IL1RAPL1: variants seen among roughly 807,000 people sequenced by gnomAD.
IL1RAPL1 encodes interleukin 1 receptor accessory protein like 1, also known as interleukin-1 receptor accessory protein-like 1.
In IL1RAPL1, 3 loss-of-function variants were observed where a neutral mutation model predicts 48.4. That is an observed-to-expected ratio of 0.06 (90% CI 0.03 to 0.16). The LOEUF (loss-of-function observed/expected upper bound fraction) is 0.16, where lower values mean the gene tolerates loss of function less well. Among genes scored for constraint, IL1RAPL1 ranks in the 10% least tolerant of loss-of-function variants. IL1RAPL1 has a pLI of 1.00. For synonymous variants in IL1RAPL1, 185 were observed against 187.7 expected (o/e 0.99, Z 0.12); for missense variants, 349 against 530.6 (o/e 0.66, Z 3.36).
intron 1 of IL1RAPL1, among the ~76,000 whole-genome samples, chrX:28,709,841 T>C (rs1021371130): frequency 9.0e-6 from 1 of 111,537 alleles, no homozygotes; most frequent in African/African-American, 3.3e-5. Flanking sequence ...AAAAAGTACA[T>C]GGCTTCTTAT....
chrX:29,149,252 T>A (rs920763337), intron 2 of IL1RAPL1, among the ~76,000 whole-genome samples: 5 of 110,809 alleles, frequency 4.5e-5, no homozygotes, highest in Non-Finnish European at 9.4e-5. Context: ...ATATTATTTA[T>A]CTAGTCTGCA....
intron 3 of IL1RAPL1, among the ~76,000 whole-genome samples, chrX:29,297,811 C>A (rs1383818506): frequency 9.0e-6 from 1 of 111,711 alleles, no homozygotes; most frequent in Non-Finnish European, 1.9e-5. Flanking sequence ...GGTAGATCTT[C>A]CTTTATTTAC....
chrX:28,852,930 A>G (rs992887880), intron 2 of IL1RAPL1, among the ~76,000 whole-genome samples: 10 of 110,483 alleles, frequency 9.1e-5, no homozygotes, highest in African/African-American at 2.6e-4. Context: ...AGCACAATCC[A>G]TCTAGTACAC....
At chrX:28,901,734 CTTTAA>C (rs1402287231) in intron 2 of IL1RAPL1, among the ~76,000 whole-genome samples, 1 of 111,782 alleles carries the variant, frequency 8.9e-6, no homozygotes, top group Non-Finnish European at 1.9e-5. Flanking sequence ...TCACATAAAA[CTTTAA>C]TTTGTTTTCA....
chrX:28,892,182 T>C (rs1922788937), intron 2 of IL1RAPL1, among the ~76,000 whole-genome samples: 2 of 110,615 alleles, frequency 1.8e-5, no homozygotes, highest in South Asian at 7.7e-4. Flanking sequence ...AGCTTTTTAA[T>C]CACCTGGGTG....
intron 2 of IL1RAPL1, among the ~76,000 whole-genome samples, chrX:29,040,425 G>A (rs1392138601): frequency 8.9e-6 from 1 of 111,829 alleles, no homozygotes; most frequent in African/African-American, 3.2e-5. Context: ...AGTAGATGTT[G>A]TTTCAGTAGG....
At chrX:29,294,337 G>A (rs1337575498) in intron 3 of IL1RAPL1, among the ~76,000 whole-genome samples, 3 of 109,089 alleles carry the variant, frequency 2.8e-5, no homozygotes, top group African/African-American at 1.0e-4. Context: ...GACCATCCTG[G>A]CTAACACGGT....
intron 2 of IL1RAPL1, among the ~76,000 whole-genome samples, chrX:28,907,726 G>C (rs930608577): frequency 6.2e-5 from 7 of 112,186 alleles, no homozygotes; most frequent in Non-Finnish European, 1.3e-4. Flanking sequence ...ATGTCTATTA[G>C]GGTTTGGTAC....
At chrX:28,688,537 T>C (rs1935140436) in intron 1 of IL1RAPL1, among the ~76,000 whole-genome samples, 1 of 111,800 alleles carries the variant, frequency 8.9e-6, no homozygotes, top group Non-Finnish European at 1.9e-5. Flanking sequence ...TAACTAGACA[T>C]TACCACTTAC....
intron 5 of IL1RAPL1, among the ~76,000 whole-genome samples, chrX:29,443,795 G>A (rs2147721111): frequency 9.0e-6 from 1 of 111,689 alleles, no homozygotes; most frequent in South Asian, 3.7e-4. Context: ...AAGTATCATG[G>A]CTGAGCTTCT....
chrX:29,904,156 TGGA>T (rs1396245888), intron 6 of IL1RAPL1, among the ~76,000 whole-genome samples: 2 of 110,929 alleles, frequency 1.8e-5, no homozygotes, highest in Non-Finnish European at 3.8e-5. Flanking sequence ...AGATGAGAGG[TGGA>T]GGAGTTTTTT....
In IL1RAPL1 at chrX:29,581,739, C is replaced by T. The variant is rs1245661082; in HGVS notation, c.704-86691C>T. ...ATCATTAAGAATAGGAAGCATATCTCTTGCTCCTTCTGCACCCTCTCACAG... is the reference window on the plus strand; with the variant it reads ...ATCATTAAGAATAGGAAGCATATCTTTTGCTCCTTCTGCACCCTCTCACAG... On this transcript the variant is annotated intron_variant, in intron 5 of 10. Transcript: ENST00000378993. Among the ~76,000 whole-genome samples, 10 of 110,410 alleles carry T rather than the reference C, an allele frequency of 9.1e-5. No homozygotes were observed. The East Asian group carries it at 2.8e-3, about 31-fold the overall frequency.
At chrX:29,790,904 A>G (rs762929737) in intron 6 of IL1RAPL1, among the ~76,000 whole-genome samples, 5 of 112,044 alleles carry the variant, frequency 4.5e-5, no homozygotes, top group African/African-American at 1.6e-4. Context: ...TGGCCGCCTA[A>G]GGCCAGTATA....
intron 5 of IL1RAPL1, among the ~76,000 whole-genome samples, chrX:29,471,131 A>G (rs1246328609): frequency 9.0e-6 from 1 of 110,958 alleles, no homozygotes; most frequent in Non-Finnish European, 1.9e-5. Flanking sequence ...AAATATACAA[A>G]TCACAGGAGC....
chrX:29,288,782 G>A (rs1409140615), intron 3 of IL1RAPL1, among the ~76,000 whole-genome samples: 1 of 112,063 alleles, frequency 8.9e-6, no homozygotes, highest in Non-Finnish European at 1.9e-5. Context: ...TACCCACAGT[G>A]TAAAAGCATT....
chrX:28,758,184 G>A (rs1936125966), intron 1 of IL1RAPL1, among the ~76,000 whole-genome samples: 1 of 112,156 alleles, frequency 8.9e-6, no homozygotes, highest in African/African-American at 3.2e-5. Context: ...AAGTAATAAT[G>A]TAGATGATTG....
chrX:29,803,282 C>CATATGTAT (rs1930111727), intron 6 of IL1RAPL1, among the ~76,000 whole-genome samples: 5 of 26,990 alleles, frequency 1.9e-4, no homozygotes, highest in African/African-American at 7.3e-4. Context: ...TACATATACA[C>CATATGTAT]ACATGTATAT....
chrX:28,688,268 T>G (rs1935136249), intron 1 of IL1RAPL1, among the ~76,000 whole-genome samples: 1 of 109,657 alleles, frequency 9.1e-6, no homozygotes, highest in Admixed American at 9.7e-5. Flanking sequence ...CATGGCTCAC[T>G]GCAGCCTTGA....
chrX:29,485,792 C>T (rs1935089074), intron 5 of IL1RAPL1, among the ~76,000 whole-genome samples: 1 of 111,573 alleles, frequency 9.0e-6, no homozygotes, highest in Non-Finnish European at 1.9e-5. Context: ...GATGTCATCA[C>T]ACTTCTTTGA....
Sources: gnomAD v4.1 joint callset for allele counts (sites outside exome capture counted in the v4.1 genomes callset) on GRCh38, gnomAD v4.1.1 for gene constraint, MANE v1.5 for transcripts, NCBI Gene and HGNC (gene_info 2026-07-23, HGNC 2026-07-21) for gene names.